The following ZMAT3 variants were observed in gnomAD, a reference collection of about 807,000 sequenced individuals.
ZMAT3 encodes zinc finger matrin-type protein 3.
Under a neutral mutation model 32.3 loss-of-function variants are expected in ZMAT3, and 17 were observed. That is an observed-to-expected ratio of 0.53 (90% CI 0.36 to 0.79). The LOEUF (loss-of-function observed/expected upper bound fraction) is 0.79. ZMAT3 is among the 30% of genes least tolerant of loss of function. The probability of loss-of-function intolerance (pLI) is 0.00; values close to 1 mark genes in which losing one functional copy is unlikely to be tolerated. For missense variants in ZMAT3, 329 were observed against 359.7 expected, an observed-to-expected ratio of 0.91 and a Z score of 0.69; for synonymous variants, 120 against 133.1, an observed-to-expected ratio of 0.90 and a Z score of 0.68.
At chr3:179,049,303 G>A (rs939454851) in intron 2 of ZMAT3, among the ~76,000 whole-genome samples, 9 of 152,034 alleles carry the variant, frequency 5.9e-5, no homozygotes, top group Middle Eastern at 6.8e-3. Flanking sequence ...TAAACTATAC[G>A]TTACAATAAA....
intron 2 of ZMAT3, among the ~76,000 whole-genome samples, chr3:179,059,625 T>A (rs577802145): frequency 1.3e-5 from 2 of 152,160 alleles, no homozygotes; most frequent in African/African-American, 4.8e-5. Context: ...GAGCCCCAGA[T>A]GCAGTCCATG....
At position 179,051,251 on chromosome 3, in the gene ZMAT3, C is replaced by T. The variant is rs995121360; in HGVS notation, c.270+16232G>A. Among the ~76,000 whole-genome samples, 11 of 152,076 alleles carry T rather than the reference C, an allele frequency of 7.2e-5. No homozygotes were observed. In the South Asian group the frequency reaches 1.2e-3, roughly 17 times the overall value. On this transcript the variant is annotated intron_variant, in intron 2 of 5. Transcript: ENST00000311417. ...TATCTAGAAAACCCTAAAGACTTAT[C>T]CAAAAAGCTTCTGGTACTGGTAAAT... is the stretch of plus-strand genomic sequence containing the variant.
chr3:179,039,801 G>A (rs569413387), intron 2 of ZMAT3, among the ~76,000 whole-genome samples: 16 of 152,136 alleles, frequency 1.1e-4, no homozygotes, highest in Admixed American at 7.2e-4. Flanking sequence ...GAGCATGTTC[G>A]AACCCATCGC....
chr3:179,067,388 C>T, intron 2 of ZMAT3, 95 bp downstream of exon 2: 1 of 1,333,024 alleles, frequency 7.5e-7, no homozygotes, highest in Non-Finnish European at 1.0e-6. Context: ...TCTTGGTATT[C>T]CAGGCACAGT....
intron 2 of ZMAT3, among the ~76,000 whole-genome samples, chr3:179,044,068 AAAC>A (rs1168898101): frequency 2.6e-5 from 4 of 152,196 alleles, no homozygotes; most frequent in Non-Finnish European, 5.9e-5. Flanking sequence ...AAAAGTCAGG[AAAC>A]AACAAATGCT....
chr3:179,054,622 T>C (rs1367947611), intron 2 of ZMAT3, among the ~76,000 whole-genome samples: 1 of 152,244 alleles, frequency 6.6e-6, no homozygotes, highest in Admixed American at 6.5e-5. Flanking sequence ...TCCCTTTGTA[T>C]GGGAGCTCTG....
intron 2 of ZMAT3, among the ~76,000 whole-genome samples, chr3:179,044,347 A>T (rs929919401): frequency 5.9e-5 from 9 of 152,338 alleles, no homozygotes; most frequent in South Asian, 2.1e-4. Context: ...GATAGACTGG[A>T]TGAAGAAAAT....
At chr3:179,037,889 C>A (rs577043128) in intron 2 of ZMAT3, among the ~76,000 whole-genome samples, 2 of 152,280 alleles carry the variant, frequency 1.3e-5, no homozygotes, top group South Asian at 2.1e-4. Context: ...AAGGCAAAGT[C>A]TCTGCCCTCA....
rs1719569759 is a variant in ZMAT3, at chr3:179,035,987, T to A, written c.271-4988A>T. On this transcript the variant is annotated intron_variant, in intron 2 of 5. Coordinates refer to ENST00000311417, the MANE Select transcript of ZMAT3 (RefSeq NM_022470.4). ...TGTGTTGAGGGGCTACAAGGAGAGA[T>A]AACGGTCTTCTAGATCCTTTGGAGG... is the stretch of plus-strand genomic sequence containing the variant. 2.0e-5 allele frequency among the ~76,000 whole-genome samples: 3 copies of A among 152,192 alleles called. No individual in the cohort carries two copies. The South Asian group carries it at 6.2e-4, about 32-fold the overall frequency.
intron 1 of ZMAT3, among the ~76,000 whole-genome samples, chr3:179,070,587 A>G (rs561041511): frequency 5.0e-4 from 76 of 152,370 alleles, no homozygotes; most frequent in African/African-American, 1.5e-3. Context: ...CAGTGAATGC[A>G]TGAATGATGG....
At chr3:179,027,265 T>C (rs2108535613) in intron 5 of ZMAT3, among the ~76,000 whole-genome samples, 158 bp downstream of exon 5, 2 of 152,202 alleles carry the variant, frequency 1.3e-5, no homozygotes, top group Admixed American at 1.3e-4. Flanking sequence ...AAATGAGACC[T>C]GAAATACACA....
rs972259580 is a variant in ZMAT3 at position 179,021,362 on chromosome 3, C to A, written c.*3655G>T. The A allele has an allele frequency of 6.6e-6, 1 of 152,154 alleles. No individual in the cohort carries two copies. Among genetic ancestry groups the A allele is most frequent in the East Asian group, 1.9e-4 (1 of 5,196 alleles). 9.4% of individuals were successfully genotyped at this position (152,154 alleles called of 1,614,324 possible). A position where few individuals can be genotyped will look rare whatever the true frequency, so the allele number is the denominator to read the frequency against. ...ACTTCAAAGGTATATGCAATCCAAT[C>A]TTTTAGTTGAAACACGAATTTTCTT... On this transcript the variant is annotated 3_prime_UTR_variant, in exon 6 of 6. Coordinates refer to ENST00000311417, the MANE Select transcript of ZMAT3 (RefSeq NM_022470.4).
chr3:179,038,362 C>G (rs977421489), intron 2 of ZMAT3, among the ~76,000 whole-genome samples: 1 of 152,152 alleles, frequency 6.6e-6, no homozygotes, highest in African/African-American at 2.4e-5. Flanking sequence ...AGAAGGATCA[C>G]TTGAGTCTAA....
At position 179,024,297 on chromosome 3, in the gene ZMAT3, A is replaced by G. The variant is rs1168264645; in HGVS notation, c.*720T>C. 1 of 152,228 alleles carries G rather than the reference A, an allele frequency of 6.6e-6. No homozygotes were observed. The highest frequency in any genetic ancestry group is 2.4e-5 in the African/African-American group (1 of 41,444). The allele number at this position is 152,228 out of a possible 1,614,324, so 9.4% of individuals were successfully genotyped here. A position where few individuals can be genotyped will look rare whatever the true frequency, so the allele number is the denominator to read the frequency against. On this transcript the variant is annotated 3_prime_UTR_variant, in exon 6 of 6. Coordinates refer to ENST00000311417, the MANE Select transcript of ZMAT3 (RefSeq NM_022470.4). ...GGGGAGACATGATACAGAAAAAAAA[A>G]TGTCCTGGGAAAGACCCTAACAGTT...
At chr3:179,043,137 A>AGCCATACT (rs2108559310) in intron 2 of ZMAT3, among the ~76,000 whole-genome samples, 1 of 152,264 alleles carries the variant, frequency 6.6e-6, no homozygotes, top group South Asian at 2.1e-4. Context: ...TCGTGAAAAT[A>AGCCATACT]GCCATACTGC....
At chr3:179,038,639 T>C (rs186904247) in intron 2 of ZMAT3, among the ~76,000 whole-genome samples, 2 of 152,254 alleles carry the variant, frequency 1.3e-5, no homozygotes, top group East Asian at 1.9e-4. Context: ...GCTCCCAGCG[T>C]GATCAATGCA....
In ZMAT3 at chr3:179,027,718, G is replaced by A; in HGVS notation, c.485C>T (p.Ala162Val). Residue 162 changes from alanine to valine, a missense_variant, in exon 4 of 6, where the codon GCT becomes GTT. By Grantham distance (64) the Ala-to-Val change is moderately conservative. Coordinates refer to ENST00000311417, the MANE Select transcript of ZMAT3 (RefSeq NM_022470.4). ...ATTCTTCCCTTGATAGTGAGCCTGA[G>A]CCACAGCTGGGGAACTGAAGGAGGC... ...CDASFSSPAVAQAHYQGKNHA... is the reference protein window; with the variant it reads ...CDASFSSPAVVQAHYQGKNHA... 6.2e-7 allele frequency: 1 copy of A among 1,614,128 alleles called. No homozygotes were observed.
At chr3:179,069,069 C>T (rs1721572449) in intron 1 of ZMAT3, among the ~76,000 whole-genome samples, 1 of 145,232 alleles carries the variant, frequency 6.9e-6, no homozygotes, top group African/African-American at 2.7e-5. Context: ...CTCATACAGC[C>T]TTAGATTATA....
chr3:179,044,926 T>C (rs1720148248), intron 2 of ZMAT3, among the ~76,000 whole-genome samples: 1 of 152,078 alleles, frequency 6.6e-6, no homozygotes, highest in Admixed American at 6.5e-5. Flanking sequence ...ATATACCTAA[T>C]GTAAATGACG....
Sources: allele counts gnomAD v4.1 joint callset (sites outside exome capture counted in the v4.1 genomes callset), GRCh38; gene constraint gnomAD v4.1.1; transcripts MANE v1.5; gene names NCBI Gene and HGNC (gene_info 2026-07-23, HGNC 2026-07-21).